The following PAM variants were observed in gnomAD, a reference collection of about 807,000 sequenced individuals.
PAM encodes the protein peptidylglycine alpha-amidating monooxygenase.
In PAM, 72 loss-of-function variants were observed where a neutral mutation model predicts 122.1. The observed-to-expected ratio is 0.59, with a 90% CI of 0.49 to 0.72. The LOEUF (loss-of-function observed/expected upper bound fraction) is 0.72. Ranked by LOEUF, PAM falls within the 30% of genes least tolerant of loss-of-function variation. PAM has a pLI of 0.00. For missense variants in PAM, 1,106 were observed against 1,183.7 expected (o/e 0.93, Z 0.96); for synonymous variants, 389 against 404.4 (o/e 0.96, Z 0.46).
intron 1 of PAM, among the ~76,000 whole-genome samples, chr5:102,807,203 T>G (rs1301888765): frequency 6.6e-6 from 1 of 152,236 alleles, no homozygotes; most frequent in Non-Finnish European, 1.5e-5. Flanking sequence ...AACAATAGCT[T>G]TCTTAGTACA....
intron 12 of PAM, among the ~76,000 whole-genome samples, chr5:102,955,143 G>A (rs1195896685): frequency 6.6e-6 from 1 of 152,010 alleles, no homozygotes; most frequent in Admixed American, 6.6e-5. Flanking sequence ...ACGGGGTAGA[G>A]GTGAAGAATT....
intron 1 of PAM, among the ~76,000 whole-genome samples, chr5:102,766,466 A>G (rs1753982200): frequency 1.3e-5 from 2 of 152,050 alleles, no homozygotes; most frequent in African/African-American, 4.8e-5. Flanking sequence ...GCCGCAGCTG[A>G]TCTGACAGGA....
chr5:102,872,444 T>A (rs568935643), intron 3 of PAM, among the ~76,000 whole-genome samples: 1 of 152,378 alleles, frequency 6.6e-6, no homozygotes, highest in Admixed American at 6.5e-5. Context: ...GTGTTTCACT[T>A]TGCTGTTTTC....
chr5:102,815,306 C>A (rs989455354), intron 1 of PAM, among the ~76,000 whole-genome samples: 2 of 151,750 alleles, frequency 1.3e-5, no homozygotes, highest in Non-Finnish European at 2.9e-5. Flanking sequence ...AACAGAGCAC[C>A]GAGATTGTGT....
At chr5:102,937,416 C>T (rs769131480) in intron 7 of PAM, among the ~76,000 whole-genome samples, 11 of 152,126 alleles carry the variant, frequency 7.2e-5, no homozygotes, top group African/African-American at 1.7e-4. Flanking sequence ...TCAACCTGCA[C>T]GAAACGCCAT....
intron 12 of PAM, among the ~76,000 whole-genome samples, chr5:102,952,313 G>A (rs1759217302): frequency 6.6e-6 from 1 of 152,146 alleles, no homozygotes; most frequent in Non-Finnish European, 1.5e-5. Flanking sequence ...TATAGTACTA[G>A]GATGGGAGGC....
At chr5:102,823,847 T>C (rs1772792682) in intron 1 of PAM, among the ~76,000 whole-genome samples, 1 of 152,178 alleles carries the variant, frequency 6.6e-6, no homozygotes, top group African/African-American at 2.4e-5. Flanking sequence ...GAACTTGTTA[T>C]ATGCAGGTCA....
chr5:103,011,189 C>G (rs1358934740), intron 21 of PAM, among the ~76,000 whole-genome samples: 1 of 152,150 alleles, frequency 6.6e-6, no homozygotes, highest in African/African-American at 2.4e-5. Context: ...TGATGGAGAG[C>G]CACGTCTGTG....
At chr5:102,915,538 T>G (rs977381975) in intron 5 of PAM, among the ~76,000 whole-genome samples, 2 of 152,174 alleles carry the variant, frequency 1.3e-5, no homozygotes, top group Non-Finnish European at 2.9e-5. Context: ...AGTAAATTTT[T>G]GTAAATAAAA....
intron 5 of PAM, among the ~76,000 whole-genome samples, chr5:102,923,203 A>AT (rs1748065091): frequency 6.6e-6 from 1 of 152,198 alleles, no homozygotes; most frequent in Non-Finnish European, 1.5e-5. Flanking sequence ...CTCATTGCCT[A>AT]TCCTCCAACC....
At chr5:102,930,611 A>G (rs1179001775) in intron 7 of PAM, among the ~76,000 whole-genome samples, 1 of 152,216 alleles carries the variant, frequency 6.6e-6, no homozygotes, top group Non-Finnish European at 1.5e-5. Flanking sequence ...GGAGCAAGCC[A>G]TAAAGATCCT....
At chr5:103,024,245 A>G (rs919497736) in intron 23 of PAM, among the ~76,000 whole-genome samples, 1 of 152,142 alleles carries the variant, frequency 6.6e-6, no homozygotes, top group African/African-American at 2.4e-5. Context: ...TAGGGCAAGG[A>G]TGTCTCAAGG....
chr5:102,915,778 T>G (rs2151597557), intron 5 of PAM, among the ~76,000 whole-genome samples: 1 of 152,278 alleles, frequency 6.6e-6, no homozygotes, highest in South Asian at 2.1e-4. Flanking sequence ...TAAATGCTAT[T>G]CCAGTTCTAA....
At chr5:102,896,527 A>G (rs192180845) in intron 3 of PAM, among the ~76,000 whole-genome samples, 77 of 151,814 alleles carry the variant, frequency 5.1e-4, no homozygotes, top group South Asian at 4.8e-3. Flanking sequence ...CTAAATACCT[A>G]GAATGCTAGA....
At chr5:102,772,706 T>C (rs114670485) in intron 1 of PAM, among the ~76,000 whole-genome samples, 1 of 152,134 alleles carries the variant, frequency 6.6e-6, no homozygotes, top group African/African-American at 2.4e-5. Context: ...ATTTACAAAT[T>C]AAATGCCAAC....
chr5:102,779,733 A>C (rs977284388), intron 1 of PAM, among the ~76,000 whole-genome samples: 1 of 151,646 alleles, frequency 6.6e-6, no homozygotes, highest in Admixed American at 6.6e-5. Context: ...TTTTTCTCCC[A>C]TGCTGGATGC....
Position 102,793,494 on chromosome 5 carries a change from C to T in PAM, c.-374+38146C>T, listed in dbSNP as rs114536123. On this transcript the variant is annotated intron_variant, in intron 1 of 25. Transcript: ENST00000438793. ...TGCAGTGAGCCTGATCGCACCACTG[C>T]TCTCCAGCCTGGGTGACAGAGTGAG... 5.6e-3 allele frequency among the ~76,000 whole-genome samples: 854 copies of T among 152,286 alleles called. 11 individuals are homozygous for T. The highest frequency in any genetic ancestry group is 0.019 in the African/African-American group (800 of 41,546).
At chr5:102,773,256 G>A (rs1756285953) in intron 1 of PAM, among the ~76,000 whole-genome samples, 1 of 152,068 alleles carries the variant, frequency 6.6e-6, no homozygotes, top group African/African-American at 2.4e-5. Flanking sequence ...ATATATAGTT[G>A]TTGCTTTGTA....
At chr5:102,773,668 C>T (rs1013523730) in intron 1 of PAM, among the ~76,000 whole-genome samples, 2 of 152,028 alleles carry the variant, frequency 1.3e-5, no homozygotes, top group Non-Finnish European at 2.9e-5. Flanking sequence ...ACATTTAATA[C>T]AGTAAAAAGG....
Sources: gnomAD v4.1 joint callset for allele counts (sites outside exome capture counted in the v4.1 genomes callset) on GRCh38, gnomAD v4.1.1 for gene constraint, MANE v1.5 for transcripts, NCBI Gene and HGNC (gene_info 2026-07-23, HGNC 2026-07-21) for gene names.